Variants in DLG1 observed in about 807,000 individuals in gnomAD.
DLG1 encodes disks large homolog 1.
Under a neutral mutation model 123.4 loss-of-function variants are expected in DLG1, and 42 were observed. The ratio of observed to expected loss-of-function variants is 0.34; its 90% CI spans 0.27 to 0.44. The LOEUF is 0.44. Ranked by LOEUF, DLG1 falls within the 20% of genes least tolerant of loss-of-function variation. The pLI is 1.00. For missense variants in DLG1, 942 were observed against 1,082.6 expected (o/e 0.87, Z 1.82); for synonymous variants, 317 against 356.2 (o/e 0.89, Z 1.24).
intron 3 of DLG1, among the ~76,000 whole-genome samples, chr3:197,286,697 A>G (rs1026600553): frequency 3.9e-5 from 6 of 152,224 alleles, no homozygotes; most frequent in African/African-American, 1.4e-4. Context: ...TAATGACAAT[A>G]TATTAATATT....
At chr3:197,114,349 C>T (rs1228135262) in intron 13 of DLG1, among the ~76,000 whole-genome samples, 1 of 152,098 alleles carries the variant, frequency 6.6e-6, no homozygotes, top group Admixed American at 6.6e-5. Context: ...TACAAGCAGC[C>T]AGCAAACCCC....
chr3:197,244,623 G>C (rs1474436840), intron 4 of DLG1, among the ~76,000 whole-genome samples: 1 of 151,930 alleles, frequency 6.6e-6, no homozygotes, highest in Non-Finnish European at 1.5e-5. Flanking sequence ...TAGCTTGGTA[G>C]GAATTGGTCT....
rs560019960 is a variant in DLG1, at chr3:197,149,709, A to G, written c.537+34T>C. The G allele has an allele frequency of 4.2e-6, 6 of 1,413,454 alleles. No individual in the cohort carries two copies. The African/African-American group carries it at 7.0e-5, about 17-fold the overall frequency. The allele number at this position is 1,413,454 out of a possible 1,614,324, so 87.6% of individuals were successfully genotyped here. A position where few individuals can be genotyped will look rare whatever the true frequency, so the allele number is the denominator to read the frequency against. On this transcript the variant is annotated intron_variant, in intron 6 of 24. Coordinates refer to ENST00000667157, the MANE Select transcript of DLG1 (RefSeq NM_001366207.1). ...TCAAAAAACGGAACAGGAAAGGCAG[A>G]ATTACTTCAATGTGGGGAGGAAATG...
chr3:197,220,440 T>C (rs2150497705), intron 4 of DLG1, among the ~76,000 whole-genome samples: 1 of 152,170 alleles, frequency 6.6e-6, no homozygotes, highest in African/African-American at 2.4e-5. Context: ...CATTCCAAAA[T>C]GTAATGTACT....
chr3:197,273,188 ATGTGTGTGTGTG>A, intron 4 of DLG1, among the ~76,000 whole-genome samples: 1 of 147,970 alleles, frequency 6.8e-6, no homozygotes, highest in Non-Finnish European at 1.5e-5. Flanking sequence ...CACTGAATAT[ATGTGTGTGTGTG>A]TGTGTGTGTG....
intron 4 of DLG1, among the ~76,000 whole-genome samples, chr3:197,206,186 A>C (rs1050088642): frequency 6.6e-6 from 1 of 152,234 alleles, no homozygotes; most frequent in Non-Finnish European, 1.5e-5. Context: ...TGAAAAGTAA[A>C]CAAAGAAATC....
chr3:197,249,275 T>A (rs1386180004), intron 4 of DLG1, among the ~76,000 whole-genome samples: 1 of 151,876 alleles, frequency 6.6e-6, no homozygotes, highest in South Asian at 2.1e-4. Flanking sequence ...TATGAACAAC[T>A]ATATGCCAAC....
chr3:197,265,719 T>C (rs1761401009), intron 4 of DLG1, among the ~76,000 whole-genome samples: 1 of 152,166 alleles, frequency 6.6e-6, no homozygotes, highest in Non-Finnish European at 1.5e-5. Context: ...GCAGTGGGGA[T>C]AGCCTTCTAC....
At chr3:197,092,889 T>C (rs1352819551) in intron 14 of DLG1, among the ~76,000 whole-genome samples, 2 of 152,202 alleles carry the variant, frequency 1.3e-5, no homozygotes, top group Non-Finnish European at 2.9e-5. Flanking sequence ...ATTTGTACTT[T>C]ATTTTCAACT....
chr3:197,202,898 C>G (rs558952617), intron 4 of DLG1, among the ~76,000 whole-genome samples: 1 of 151,760 alleles, frequency 6.6e-6, no homozygotes, highest in African/African-American at 2.4e-5. Context: ...TGTCAGAGAA[C>G]GATGCAGTCT....
At chr3:197,217,229 T>C (rs182308876) in intron 4 of DLG1, among the ~76,000 whole-genome samples, 64 of 152,236 alleles carry the variant, frequency 4.2e-4, no homozygotes, top group African/African-American at 1.5e-3. Context: ...CTGTTGAAGG[T>C]AGATAAGTAC....
At chr3:197,110,509 G>A (rs1769282264) in intron 13 of DLG1, among the ~76,000 whole-genome samples, 1 of 152,052 alleles carries the variant, frequency 6.6e-6, no homozygotes, top group African/African-American at 2.4e-5. Context: ...CCTTCCCTAG[G>A]AACGATATCC....
intron 11 of DLG1, among the ~76,000 whole-genome samples, chr3:197,122,856 C>T (rs1232248454): frequency 6.6e-6 from 1 of 151,800 alleles, no homozygotes. Context: ...GTTTTTGATC[C>T]TAAAATTAAA....
rs1776423532 is a variant in DLG1 at position 197,294,514 on chromosome 3, C to T, written c.151+1832G>A. Reference sequence around the variant, plus strand: ...ACAATACAAAAAATAAAAAATTAGCCGGACGTGGTGGTGGGCACCTTTGGT... The same window carrying T: ...ACAATACAAAAAATAAAAAATTAGCTGGACGTGGTGGTGGGCACCTTTGGT... On this transcript the variant is annotated intron_variant, in intron 3 of 24. Coordinates refer to ENST00000667157, the MANE Select transcript of DLG1 (RefSeq NM_001366207.1). 2.0e-5 allele frequency among the ~76,000 whole-genome samples: 3 copies of T among 152,048 alleles called. No individual in the cohort carries two copies. In the South Asian group the frequency reaches 6.2e-4, roughly 32 times the overall value.
chr3:197,059,934 T>G lies in DLG1; in HGVS notation c.2438A>C (p.Tyr813Ser). ...GGGTTTAATAAAAATGGAGATAGGG[T>G]AAAGCTGTGCAATCTGTAATCTCTT... ...AIKRLQIAQL[Y>S]PISIFIKPKS... The change falls in exon 23 of 25, where the codon TAC (tyrosine) becomes TCC (serine). Residue 813 changes from tyrosine (Y) to serine (S), a missense_variant. Transcript: ENST00000667157. 1 of 1,613,828 alleles carries G rather than the reference T, an allele frequency of 6.2e-7. No homozygotes were observed. The highest frequency in any genetic ancestry group is 8.5e-7 in the Non-Finnish European group (1 of 1,179,892).
At chr3:197,244,663 G>A (rs1424689580) in intron 4 of DLG1, among the ~76,000 whole-genome samples, 3 of 151,694 alleles carry the variant, frequency 2.0e-5, no homozygotes, top group African/African-American at 7.3e-5. Context: ...TTTGAAGATG[G>A]CGATGCTTTT....
At chr3:197,191,719 G>GTTCTTA (rs1561364571) in intron 5 of DLG1, among the ~76,000 whole-genome samples, 1 of 152,156 alleles carries the variant, frequency 6.6e-6, no homozygotes, top group East Asian at 1.9e-4. Flanking sequence ...CCGTGCTGAG[G>GTTCTTA]TTCTTATGTT....
At chr3:197,045,019 A>AT (rs1390734634) in intron 24 of DLG1, among the ~76,000 whole-genome samples, 1 of 151,816 alleles carries the variant, frequency 6.6e-6, no homozygotes, top group Non-Finnish European at 1.5e-5. Context: ...AAAACAAATT[A>AT]TTTTCTTAAC....
At chr3:197,141,676 T>C (rs1788080888) in intron 7 of DLG1, among the ~76,000 whole-genome samples, 1 of 152,208 alleles carries the variant, frequency 6.6e-6, no homozygotes, top group Admixed American at 6.5e-5. Flanking sequence ...GCTAGCCAGA[T>C]AAGGTGGCAT....
Sources: allele counts gnomAD v4.1 joint callset (sites outside exome capture counted in the v4.1 genomes callset), GRCh38; gene constraint gnomAD v4.1.1; transcripts MANE v1.5; gene names NCBI Gene and HGNC (gene_info 2026-07-23, HGNC 2026-07-21).